The following BAIAP2 variants were observed in gnomAD, a reference collection of about 807,000 sequenced individuals.
The protein encoded by BAIAP2 is BAR/IMD domain-containing adapter protein 2.
A neutral mutation model predicts 63.0 loss-of-function variants in BAIAP2; 18 were observed. That is an observed-to-expected ratio of 0.29 (90% confidence interval 0.20 to 0.42). The LOEUF (loss-of-function observed/expected upper bound fraction) is 0.42. Ranked by LOEUF, BAIAP2 falls within the 10% of genes least tolerant of loss-of-function variation. BAIAP2 has a pLI of 1.00. For missense variants in BAIAP2, 610 were observed against 734.3 expected (o/e 0.83, Z 1.96); for synonymous variants, 386 against 307.6 (o/e 1.25, Z -2.67).
At chr17:81,071,204 G>A (rs1272170870) in intron 3 of BAIAP2, among the ~76,000 whole-genome samples, 1 of 152,140 alleles carries the variant, frequency 6.6e-6, no homozygotes, top group East Asian at 1.9e-4. Context: ...GCTGGTGGCT[G>A]GAGGGCAGCA....
rs746339592 is a variant in BAIAP2, at chr17:81,116,273, G to C, written c.*434G>C. ...AGGGCCAGAAGGCCGGGAGCACGGG[G>C]ATGGGAGCGCCCGCACCCTGGCTGG... On this transcript the variant is annotated 3_prime_UTR_variant, in exon 14 of 14. Coordinates refer to ENST00000428708, the MANE Select transcript of BAIAP2 (RefSeq NM_001144888.2). 1 of 1,612,894 alleles carries C rather than the reference G, an allele frequency of 6.2e-7. No individual in the cohort carries two copies. The highest frequency in any genetic ancestry group is 1.1e-5 in the South Asian group (1 of 91,088).
In BAIAP2 at chr17:81,116,528, T is replaced by C; in HGVS notation, c.*689T>C. 1 of 615,114 alleles carries C rather than the reference T, an allele frequency of 1.6e-6. No individual in the cohort carries two copies. The highest frequency in any genetic ancestry group is 2.8e-6 in the Non-Finnish European group (1 of 358,456). The allele number at this position is 615,114 out of a possible 1,614,324, so 38.1% of individuals were successfully genotyped here. A position where few individuals can be genotyped will look rare whatever the true frequency, so the allele number is the denominator to read the frequency against. ...TTGCTGCCAGGGCCTCCCAGCTCGC[T>C]CCTGCGGCCAAAGGCCAGCTGTCAG... On this transcript the variant is annotated 3_prime_UTR_variant, in exon 14 of 14. Transcript: ENST00000428708.
chr17:81,065,407 C>T (rs1181886671), intron 3 of BAIAP2, among the ~76,000 whole-genome samples: 3 of 152,208 alleles, frequency 2.0e-5, no homozygotes, highest in African/African-American at 7.2e-5. Context: ...GGGCACCTCC[C>T]TGGAGGCTGG....
chr17:81,037,974 A>G (rs2046516847), intron 1 of BAIAP2, among the ~76,000 whole-genome samples: 1 of 152,182 alleles, frequency 6.6e-6, no homozygotes, highest in Admixed American at 6.5e-5. Context: ...GGGGAATTTC[A>G]TGGAAGATGA....
chr17:81,108,218 A>G lies in BAIAP2; in HGVS notation c.1501-257A>G, dbSNP rs953590511. ...GTCTTGCATCTGTTTGGGAGTGTGC[A>G]ACAAGCACACAAATTGAGGTGGCCG... is the stretch of plus-strand genomic sequence containing the variant. On this transcript the variant is annotated intron_variant, in intron 12 of 13. Transcript: ENST00000428708. 35 of 584,224 alleles carry G rather than the reference A, an allele frequency of 6.0e-5. 1 individual carries two copies. In the South Asian group the frequency reaches 6.5e-4, roughly 11 times the overall value. 36.2% of individuals were successfully genotyped at this position (584,224 alleles called of 1,614,324 possible). A position where few individuals can be genotyped will look rare whatever the true frequency, so the allele number is the denominator to read the frequency against.
chr17:81,096,813 C>T (rs929044419), intron 6 of BAIAP2, among the ~76,000 whole-genome samples: 1 of 152,258 alleles, frequency 6.6e-6, no homozygotes, highest in Non-Finnish European at 1.5e-5. Flanking sequence ...CACTCTACCC[C>T]TTCCTGGAGA....
At chr17:81,106,206 C>T (rs2145977922) in intron 11 of BAIAP2, 60 bp downstream of exon 11, 3 of 1,500,630 alleles carry the variant, frequency 2.0e-6, no homozygotes, top group Non-Finnish European at 2.7e-6. Context: ...GCTGTGATGA[C>T]ACCAGGTCCC....
chr17:81,092,715 C>T (rs916876196), intron 6 of BAIAP2, among the ~76,000 whole-genome samples: 26 of 152,218 alleles, frequency 1.7e-4, no homozygotes, highest in East Asian at 7.8e-4. Context: ...CCTTGGGCAG[C>T]GGCACCTTCA....
intron 7 of BAIAP2, 115 bp downstream of exon 7, chr17:81,100,195 A>C: frequency 7.5e-7 from 1 of 1,325,914 alleles, no homozygotes; most frequent in Non-Finnish European, 9.8e-7. Context: ...CCAGGCTCGA[A>C]CTCTCGTTTA....
intron 13 of BAIAP2, chr17:81,108,792 G>A: frequency 9.1e-7 from 1 of 1,093,440 alleles, no homozygotes; most frequent in Non-Finnish European, 1.3e-6. Context: ...ATCCATGGCT[G>A]GGGCTGCAGC....
In BAIAP2 at chr17:81,111,093, TCTCA is replaced by T. The variant is rs2059875907; in HGVS notation, c.1535+2588_1535+2591del. 2.1e-5 allele frequency: 22 copies of T among 1,069,812 alleles called. No individual in the cohort carries two copies. The South Asian group carries it at 2.1e-4, about 10-fold the overall frequency. 66.3% of individuals were successfully genotyped at this position (1,069,812 alleles called of 1,614,324 possible). A position where few individuals can be genotyped will look rare whatever the true frequency, so the allele number is the denominator to read the frequency against. On this transcript the variant is annotated intron_variant, in intron 13 of 13. Coordinates refer to ENST00000428708, the MANE Select transcript of BAIAP2 (RefSeq NM_001144888.2). ...GGGCCAGGGGTCCACTGAGCCTGCCTCTCACTCTGGGTGCTGGGCCTTCTCTACT... is the reference window on the plus strand; with the variant it reads ...GGGCCAGGGGTCCACTGAGCCTGCCTCTCTGGGTGCTGGGCCTTCTCTACT...
intron 13 of BAIAP2, chr17:81,110,064 T>G (rs1222146164): frequency 1.0e-6 from 1 of 985,354 alleles, no homozygotes; most frequent in African/African-American, 1.7e-5. Flanking sequence ...TATTGTCTCT[T>G]CCCACACTGA....
At chr17:81,092,611 C>G (rs747275539) in intron 6 of BAIAP2, among the ~76,000 whole-genome samples, 6 of 152,216 alleles carry the variant, frequency 3.9e-5, no homozygotes, top group Non-Finnish European at 7.3e-5. Flanking sequence ...AGTTATAGGT[C>G]AGGGCACTGG....
intron 4 of BAIAP2, chr17:81,085,178 T>TG (rs2055354638): frequency 5.6e-6 from 3 of 538,884 alleles, no homozygotes. Context: ...ACCCCACTCC[T>TG]GGGGTTCACA....
intron 1 of BAIAP2, 28 bp downstream of exon 1, chr17:81,035,336 C>A (rs1286170672): frequency 7.4e-6 from 10 of 1,353,760 alleles, no homozygotes; most frequent in Non-Finnish European, 6.8e-6. Flanking sequence ...CCGAGCTGAG[C>A]CCGCTCCGTG....
chr17:81,050,398 T>C (rs2048482584), intron 1 of BAIAP2, among the ~76,000 whole-genome samples: 1 of 150,056 alleles, frequency 6.7e-6, no homozygotes. Context: ...TGAGCTCAGC[T>C]GCTGCACTAA....
chr17:81,099,411 C>T (rs1468828435), intron 6 of BAIAP2, among the ~76,000 whole-genome samples: 1 of 151,168 alleles, frequency 6.6e-6, no homozygotes, highest in Non-Finnish European at 1.5e-5. Flanking sequence ...GGCTCCAGCT[C>T]TCCTGCCTTT....
intron 2 of BAIAP2, among the ~76,000 whole-genome samples, chr17:81,055,105 G>A (rs1447671125): frequency 6.6e-6 from 1 of 152,188 alleles, no homozygotes; most frequent in African/African-American, 2.4e-5. Context: ...CTGGTGTTGC[G>A]GCACCCATGG....
intron 1 of BAIAP2, among the ~76,000 whole-genome samples, chr17:81,051,220 C>T (rs957931364): frequency 2.0e-5 from 3 of 151,982 alleles, no homozygotes; most frequent in Non-Finnish European, 4.4e-5. Context: ...GTGGTACGTG[C>T]CTCTCTGCTC....
Sources: gnomAD v4.1 joint callset for allele counts (sites outside exome capture counted in the v4.1 genomes callset) on GRCh38, gnomAD v4.1.1 for gene constraint, MANE v1.5 for transcripts, NCBI Gene and HGNC (gene_info 2026-07-23, HGNC 2026-07-21) for gene names.